The following CNTNAP2 variants were observed in gnomAD, a reference collection of about 807,000 sequenced individuals.
The protein encoded by CNTNAP2 is contactin-associated protein-like 2.
In CNTNAP2, 98 loss-of-function variants were observed where a neutral mutation model predicts 155.2. The ratio of observed to expected loss-of-function variants is 0.63; its 90% CI spans 0.54 to 0.75. CNTNAP2 has a LOEUF of 0.75. CNTNAP2 is among the 30% of genes least tolerant of loss of function. The pLI is 0.00. For synonymous variants in CNTNAP2, 651 were observed against 631.2 expected (o/e 1.03, Z -0.47); for missense variants, 1,727 against 1,688.1 (o/e 1.02, Z -0.40).
chr7:146,898,938 G>A (rs987432079), intron 3 of CNTNAP2, among the ~76,000 whole-genome samples: 2 of 151,728 alleles, frequency 1.3e-5, no homozygotes, highest in Middle Eastern at 3.2e-3. Context: ...GCCACTGAAA[G>A]TGATTTTTGT....
chr7:147,247,620 A>G (rs902506714), intron 8 of CNTNAP2, among the ~76,000 whole-genome samples: 11 of 152,352 alleles, frequency 7.2e-5, no homozygotes, highest in Middle Eastern at 3.4e-3. Flanking sequence ...GAAGATAAAG[A>G]TTGACTGATT....
At chr7:146,792,481 C>G (rs1329199579) in intron 2 of CNTNAP2, among the ~76,000 whole-genome samples, 1 of 152,092 alleles carries the variant, frequency 6.6e-6, no homozygotes, top group Non-Finnish European at 1.5e-5. Flanking sequence ...TTCCAATGTA[C>G]AATAATACAG....
At chr7:148,152,747 A>G (rs539108674) in intron 17 of CNTNAP2, among the ~76,000 whole-genome samples, 66 of 152,290 alleles carry the variant, frequency 4.3e-4, no homozygotes, top group Non-Finnish European at 7.6e-4. Flanking sequence ...CTAGCTGGGC[A>G]CGGCGGCTCA....
intron 5 of CNTNAP2, among the ~76,000 whole-genome samples, chr7:147,109,349 A>G (rs918058594): frequency 6.6e-6 from 1 of 152,220 alleles, no homozygotes; most frequent in Non-Finnish European, 1.5e-5. Context: ...AATGAGCCCT[A>G]GGATTTGGGC....
intron 10 of CNTNAP2, among the ~76,000 whole-genome samples, chr7:147,454,490 C>G (rs11972784): frequency 0.77 from 116,789 of 151,956 alleles, 45,079 homozygotes; most frequent in African/African-American, 0.84. Context: ...TTATATTTGA[C>G]CAAAATCACA....
At chr7:148,136,645 C>A (rs1210225256) in intron 16 of CNTNAP2, among the ~76,000 whole-genome samples, 1 of 152,106 alleles carries the variant, frequency 6.6e-6, no homozygotes, top group East Asian at 1.9e-4. Context: ...TGACCCTATC[C>A]CCAAAGCTGT....
intron 8 of CNTNAP2, among the ~76,000 whole-genome samples, chr7:147,266,068 G>A (rs755731908): frequency 5.3e-5 from 8 of 152,222 alleles, no homozygotes; most frequent in Admixed American, 1.3e-4. Flanking sequence ...CACTCAAAAG[G>A]CCAGAGTGCC....
intron 1 of CNTNAP2, among the ~76,000 whole-genome samples, chr7:146,745,384 A>G (rs558897185): frequency 2.6e-5 from 4 of 152,288 alleles, no homozygotes; most frequent in African/African-American, 9.6e-5. Flanking sequence ...GGCAAAGGTA[A>G]GTTAAATGAC....
At chr7:146,822,960 G>T (rs1455987942) in intron 2 of CNTNAP2, among the ~76,000 whole-genome samples, 48 of 61,034 alleles carry the variant, frequency 7.9e-4, no homozygotes, top group African/African-American at 2.4e-3. Context: ...TATTTACATG[G>T]AAATATACTC....
At chr7:147,963,502 A>G (rs1801148764) in intron 14 of CNTNAP2, among the ~76,000 whole-genome samples, 1 of 152,166 alleles carries the variant, frequency 6.6e-6, no homozygotes. Flanking sequence ...GAAGAAAGAC[A>G]TCCTAGAAAA....
At chr7:146,305,300 A>G (rs1449404316) in intron 1 of CNTNAP2, among the ~76,000 whole-genome samples, 1 of 152,240 alleles carries the variant, frequency 6.6e-6, no homozygotes, top group East Asian at 1.9e-4. Context: ...TTCTCCGTCC[A>G]GTTTTGTTCC....
intron 8 of CNTNAP2, among the ~76,000 whole-genome samples, chr7:147,231,134 A>G (rs563836034): frequency 6.6e-6 from 1 of 152,362 alleles, no homozygotes; most frequent in South Asian, 2.1e-4. Context: ...CACTACAATG[A>G]GAAAAGCATG....
At chr7:146,534,006 T>C (rs1797810280) in intron 1 of CNTNAP2, among the ~76,000 whole-genome samples, 1 of 151,982 alleles carries the variant, frequency 6.6e-6, no homozygotes, top group African/African-American at 2.4e-5. Context: ...GTTAGGAAAA[T>C]CAGGCCTAAA....
chr7:147,368,205 A>T (rs1796277760), intron 9 of CNTNAP2, among the ~76,000 whole-genome samples: 1 of 151,756 alleles, frequency 6.6e-6, no homozygotes, highest in African/African-American at 2.4e-5. Flanking sequence ...ATTAGTCAGG[A>T]TTAGTCACCA....
intron 9 of CNTNAP2, among the ~76,000 whole-genome samples, chr7:147,347,569 T>C (rs1047189064): frequency 6.6e-6 from 1 of 150,924 alleles, no homozygotes; most frequent in Non-Finnish European, 1.5e-5. Context: ...AAAAGTTTCC[T>C]AACTTACCTA....
chr7:147,583,516 AT>A (rs1800555368), intron 12 of CNTNAP2, among the ~76,000 whole-genome samples: 1 of 145,556 alleles, frequency 6.9e-6, no homozygotes, highest in African/African-American at 2.6e-5. Context: ...ATATATATAT[AT>A]ATATATATAT....
intron 16 of CNTNAP2, among the ~76,000 whole-genome samples, chr7:148,142,572 C>A (rs1323845029): frequency 6.6e-6 from 1 of 152,176 alleles, no homozygotes; most frequent in Non-Finnish European, 1.5e-5. Flanking sequence ...AAAAACGTAT[C>A]ATTACCAAAA....
At chr7:146,705,566 A>C (rs1295460774) in intron 1 of CNTNAP2, among the ~76,000 whole-genome samples, 2 of 152,106 alleles carry the variant, frequency 1.3e-5, no homozygotes. Context: ...GCTAATAAAA[A>C]TATACCTGAG....
At chr7:147,954,867 T>C (rs1378430796) in intron 14 of CNTNAP2, among the ~76,000 whole-genome samples, 1 of 152,216 alleles carries the variant, frequency 6.6e-6, no homozygotes, top group Non-Finnish European at 1.5e-5. Context: ...TACAATAGTA[T>C]AAAAAGGCTG....
Sources: gnomAD v4.1 joint callset for allele counts (sites outside exome capture counted in the v4.1 genomes callset) on GRCh38, gnomAD v4.1.1 for gene constraint, MANE v1.5 for transcripts, NCBI Gene and HGNC (gene_info 2026-07-23, HGNC 2026-07-21) for gene names.